ELMO1: variants seen among roughly 807,000 people sequenced by gnomAD.
ELMO1 encodes the protein engulfment and cell motility 1, also known as engulfment and cell motility protein 1.
ELMO1 carries 26 observed loss-of-function variants against 98.9 expected under a neutral mutation model. That is an observed-to-expected ratio of 0.26 (90% CI 0.19 to 0.36). The LOEUF is 0.36. Ranked by LOEUF, ELMO1 falls within the 10% of genes least tolerant of loss-of-function variation. The pLI, the probability that ELMO1 is intolerant of heterozygous loss-of-function variation, is 1.00. For missense variants in ELMO1, 627 were observed against 935.2 expected, an observed-to-expected ratio of 0.67 and a Z score of 4.30; for synonymous variants, 346 against 346.0, an observed-to-expected ratio of 1.00 and a Z score of 0.00.
At chr7:37,277,377 G>C (rs1169348104) in intron 4 of ELMO1, among the ~76,000 whole-genome samples, 1 of 152,218 alleles carries the variant, frequency 6.6e-6, no homozygotes, top group Non-Finnish European at 1.5e-5. Flanking sequence ...TTTCCCAGGG[G>C]AGAAGAGGAA....
intron 17 of ELMO1, among the ~76,000 whole-genome samples, chr7:36,893,813 G>T (rs1805762088): frequency 6.6e-6 from 1 of 152,106 alleles, no homozygotes; most frequent in Admixed American, 6.5e-5. Flanking sequence ...AGTAAGGCCT[G>T]CCCATCTCAC....
chr7:37,057,843 C>A (rs1796467383), intron 15 of ELMO1, among the ~76,000 whole-genome samples: 1 of 152,208 alleles, frequency 6.6e-6, no homozygotes. Flanking sequence ...TATTTTCAGA[C>A]CAGAAAACAT....
At chr7:37,115,613 C>T (rs904730219) in intron 14 of ELMO1, among the ~76,000 whole-genome samples, 8 of 152,174 alleles carry the variant, frequency 5.3e-5, no homozygotes, top group Middle Eastern at 3.4e-3. Context: ...ACATAAAGAA[C>T]ATCTACATAA....
At chr7:37,168,653 T>C (rs961361038) in intron 13 of ELMO1, among the ~76,000 whole-genome samples, 2 of 151,998 alleles carry the variant, frequency 1.3e-5, no homozygotes, top group African/African-American at 4.8e-5. Context: ...AGAACAGCGG[T>C]TTTTCGTGAA....
chr7:37,155,380 A>G (rs1490314538), intron 13 of ELMO1, among the ~76,000 whole-genome samples: 2 of 151,950 alleles, frequency 1.3e-5, no homozygotes, highest in African/African-American at 2.4e-5. Flanking sequence ...CTGGATAAAG[A>G]GTCAAGACCT....
In ELMO1 at chr7:37,264,303, G is replaced by A. The variant is rs550797336; in HGVS notation, c.244-4953C>T. ...CACATATATATATGAATGCATAAAT[G>A]AATATATATATGAACCTATAAATGA... On this transcript the variant is annotated intron_variant, in intron 5 of 21. Coordinates refer to ENST00000310758, the MANE Select transcript of ELMO1 (RefSeq NM_014800.11). 4.5e-5 allele frequency among the ~76,000 whole-genome samples: 6 copies of A among 134,308 alleles called. No homozygotes were observed. The East Asian group carries it at 1.2e-3, about 27-fold the overall frequency. The allele number at this position is 134,308 out of a possible 152,430, so 88.1% of individuals were successfully genotyped here.
intron 14 of ELMO1, among the ~76,000 whole-genome samples, chr7:37,099,316 T>C (rs961842767): frequency 6.6e-6 from 1 of 152,246 alleles, no homozygotes; most frequent in Non-Finnish European, 1.5e-5. Flanking sequence ...TTATGAATGC[T>C]ACTAGTTAGA....
At chr7:37,111,412 G>T (rs1563008110) in intron 14 of ELMO1, among the ~76,000 whole-genome samples, 2 of 152,224 alleles carry the variant, frequency 1.3e-5, no homozygotes, top group Non-Finnish European at 2.9e-5. Context: ...CTTTCAAAAG[G>T]CTTACAGGCC....
intron 1 of ELMO1, among the ~76,000 whole-genome samples, chr7:37,412,051 C>T (rs1804014007): frequency 6.6e-6 from 1 of 152,244 alleles, no homozygotes; most frequent in Admixed American, 6.5e-5. Context: ...CAAAAACACA[C>T]ACACACAAAA....
At chr7:37,305,004 G>A (rs946208453) in intron 4 of ELMO1, among the ~76,000 whole-genome samples, 9 of 152,034 alleles carry the variant, frequency 5.9e-5, no homozygotes, top group African/African-American at 1.7e-4. Context: ...AGAAAATATC[G>A]GCAAGGTTTC....
chr7:36,872,791 C>G (rs1262809829), intron 19 of ELMO1, among the ~76,000 whole-genome samples: 1 of 152,202 alleles, frequency 6.6e-6, no homozygotes. Context: ...AGTCAACAAA[C>G]TCATTCTAAA....
At chr7:37,235,474 T>C (rs1440075177) in intron 7 of ELMO1, among the ~76,000 whole-genome samples, 2 of 152,178 alleles carry the variant, frequency 1.3e-5, no homozygotes, top group Non-Finnish European at 2.9e-5. Flanking sequence ...TATTTGGTCA[T>C]ACCCAGCATA....
intron 15 of ELMO1, among the ~76,000 whole-genome samples, chr7:37,043,275 G>C (rs1795624036): frequency 1.3e-5 from 2 of 152,232 alleles, no homozygotes; most frequent in South Asian, 2.1e-4. Context: ...TCTGATGGAT[G>C]ATCCTGTACT....
intron 13 of ELMO1, among the ~76,000 whole-genome samples, chr7:37,148,524 A>T (rs987588764): frequency 2.6e-5 from 4 of 152,248 alleles, no homozygotes; most frequent in African/African-American, 9.6e-5. Context: ...AAACACTGGA[A>T]CATATTTTAT....
chr7:37,050,652 AC>A (rs1562922877), intron 15 of ELMO1, among the ~76,000 whole-genome samples: 13 of 146,116 alleles, frequency 8.9e-5, no homozygotes, highest in African/African-American at 2.0e-4. Context: ...ACACACACAC[AC>A]ACACACAAAA....
chr7:37,309,234 G>GA lies in ELMO1; in HGVS notation c.192+5615dup, dbSNP rs368736309. On this transcript the variant is annotated intron_variant, in intron 4 of 21. Coordinates refer to ENST00000310758, the MANE Select transcript of ELMO1 (RefSeq NM_014800.11). ...CATGGCAGCAGACAAGAGAGGGAAT[G>GA]AAAATCAAGAGAAAGGGGTTTCCCC... 2.6e-3 allele frequency among the ~76,000 whole-genome samples: 390 copies of GA among 152,276 alleles called. 2 individuals are homozygous for GA. Among genetic ancestry groups the GA allele is most frequent in the African/African-American group, 8.9e-3 (371 of 41,564 alleles).
intron 16 of ELMO1, among the ~76,000 whole-genome samples, chr7:36,975,184 A>C (rs1790416881): frequency 6.6e-6 from 1 of 152,224 alleles, no homozygotes; most frequent in South Asian, 2.1e-4. Flanking sequence ...GAAATTTTTC[A>C]TCAGGCCAGG....
intron 20 of ELMO1, chr7:36,862,105 G>A: frequency 4.4e-6 from 1 of 229,830 alleles, no homozygotes; most frequent in Non-Finnish European, 8.7e-6. Flanking sequence ...CTTCCAGAGA[G>A]GCCACAAAAA....
chr7:37,305,152 A>T (rs889561613), intron 4 of ELMO1, among the ~76,000 whole-genome samples: 5 of 152,224 alleles, frequency 3.3e-5, no homozygotes, highest in African/African-American at 9.6e-5. Flanking sequence ...ATGGTGAGTC[A>T]TGTGATTATT....
Sources: gnomAD v4.1 joint callset for allele counts (sites outside exome capture counted in the v4.1 genomes callset) on GRCh38, gnomAD v4.1.1 for gene constraint, MANE v1.5 for transcripts, NCBI Gene and HGNC (gene_info 2026-07-23, HGNC 2026-07-21) for gene names.